Variants in DNER observed in about 807,000 individuals in gnomAD.
The protein encoded by DNER is delta/notch like EGF repeat containing, also known as delta and Notch-like epidermal growth factor-related receptor.
DNER carries 33 observed loss-of-function variants against 78.2 expected under a neutral mutation model. The observed-to-expected ratio is 0.42, with a 90% CI of 0.32 to 0.56. The LOEUF (loss-of-function observed/expected upper bound fraction) is 0.56, where lower values mean the gene tolerates loss of function less well. DNER is among the 20% of genes least tolerant of loss of function. The probability of loss-of-function intolerance (pLI) is 0.11; values close to 1 mark genes in which losing one functional copy is unlikely to be tolerated. For missense variants in DNER, 918 were observed against 975.3 expected (o/e 0.94, Z 0.78); for synonymous variants, 417 against 384.8 (o/e 1.08, Z -0.98).
chr2:229,673,368 T>C (rs993182102), intron 1 of DNER, among the ~76,000 whole-genome samples: 7 of 152,302 alleles, frequency 4.6e-5, no homozygotes, highest in Middle Eastern at 3.4e-3. Context: ...AGTTCTCCCT[T>C]TAATGAGTCC....
At chr2:229,609,036 A>T (rs1574925957) in intron 1 of DNER, among the ~76,000 whole-genome samples, 1 of 152,314 alleles carries the variant, frequency 6.6e-6, no homozygotes, top group East Asian at 1.9e-4. Context: ...CAGCCTGGCC[A>T]ACATGGTGAA....
At chr2:229,426,984 A>C (rs1693892310) in intron 8 of DNER, among the ~76,000 whole-genome samples, 1 of 152,220 alleles carries the variant, frequency 6.6e-6, no homozygotes, top group Non-Finnish European at 1.5e-5. Flanking sequence ...TTAGTCTCTA[A>C]TTTCTTATCC....
At chr2:229,401,023 A>T (rs1325222986) in intron 10 of DNER, among the ~76,000 whole-genome samples, 2 of 152,100 alleles carry the variant, frequency 1.3e-5, no homozygotes, top group African/African-American at 2.4e-5. Context: ...AAAAGACAGA[A>T]AGAAACATTT....
intron 1 of DNER, among the ~76,000 whole-genome samples, chr2:229,670,424 C>CA (rs76282009): frequency 1.3e-5 from 2 of 152,018 alleles, no homozygotes; most frequent in Non-Finnish European, 2.9e-5. Flanking sequence ...ATGAAGACCT[C>CA]GGAGGAAACT....
intron 1 of DNER, among the ~76,000 whole-genome samples, chr2:229,644,239 T>A (rs1698674052): frequency 6.6e-6 from 1 of 152,098 alleles, no homozygotes; most frequent in Non-Finnish European, 1.5e-5. Context: ...GATAATCATA[T>A]CGTGGAAAAT....
intron 4 of DNER, among the ~76,000 whole-genome samples, chr2:229,567,788 T>C (rs1697140946): frequency 6.6e-6 from 1 of 152,256 alleles, no homozygotes; most frequent in South Asian, 2.1e-4. Context: ...AATTAAATTC[T>C]GTAATTCAAT....
chr2:229,642,246 T>G (rs576372262), intron 1 of DNER, among the ~76,000 whole-genome samples: 2 of 152,196 alleles, frequency 1.3e-5, no homozygotes, highest in Non-Finnish European at 2.9e-5. Flanking sequence ...ATCACTAATA[T>G]TTCTCTAAAT....
In DNER at chr2:229,591,480, T is replaced by A; in HGVS notation, c.585+100A>T. The A allele has an allele frequency of 7.2e-7, 1 of 1,398,348 alleles. No individual in the cohort carries two copies. The highest frequency in any genetic ancestry group is 2.5e-5 in the East Asian group (1 of 40,332). 86.6% of individuals were successfully genotyped at this position (1,398,348 alleles called of 1,614,324 possible). A position where few individuals can be genotyped will look rare whatever the true frequency, so the allele number is the denominator to read the frequency against. ...AGATATTTTGCTTCGTGATTTAACT[T>A]AAAATGCTTTCATTTTTAATTGCTG... On this transcript the variant is annotated intron_variant, in intron 2 of 12. Transcript: ENST00000341772. This position sits in a 1 kb window ranked among gnomAD's most constrained non-coding sequence, Gnocchi z 4.6.
chr2:229,700,470 G>C (rs1185694412), intron 1 of DNER, among the ~76,000 whole-genome samples: 2 of 151,552 alleles, frequency 1.3e-5, no homozygotes, highest in African/African-American at 4.9e-5. Flanking sequence ...CAAGTAGCTG[G>C]GTTTATAGGT....
At chr2:229,386,858 A>C (rs1246875585) in intron 11 of DNER, among the ~76,000 whole-genome samples, 3 of 152,326 alleles carry the variant, frequency 2.0e-5, no homozygotes, top group African/African-American at 7.2e-5. Context: ...AGAAATAGGA[A>C]TGCTTTTATA....
chr2:229,377,873 C>T (rs1198015393), intron 11 of DNER, among the ~76,000 whole-genome samples: 1 of 152,056 alleles, frequency 6.6e-6, no homozygotes, highest in Non-Finnish European at 1.5e-5. Flanking sequence ...GTCCTAATGC[C>T]CAGAACCTAT....
At chr2:229,673,522 A>G (rs112261888) in intron 1 of DNER, among the ~76,000 whole-genome samples, 110 of 152,226 alleles carry the variant, frequency 7.2e-4, no homozygotes, top group Admixed American at 2.4e-3. Flanking sequence ...CCTTCTCCCC[A>G]ACCAGTATAG....
At chr2:229,470,711 G>A (rs1370506086) in intron 7 of DNER, among the ~76,000 whole-genome samples, 1 of 152,084 alleles carries the variant, frequency 6.6e-6, no homozygotes, top group Admixed American at 6.5e-5. Context: ...TTAGCCGGGT[G>A]TGGTGATGGT....
intron 7 of DNER, among the ~76,000 whole-genome samples, chr2:229,457,776 G>GAAAA (rs112392058): frequency 1.2e-4 from 17 of 141,080 alleles, no homozygotes; most frequent in East Asian, 8.2e-4. Context: ...ACTTTATTTG[G>GAAAA]AAAAAAAAAA....
intron 5 of DNER, among the ~76,000 whole-genome samples, chr2:229,536,074 T>C (rs1269157018): frequency 6.6e-6 from 1 of 152,212 alleles, no homozygotes; most frequent in Non-Finnish European, 1.5e-5. Flanking sequence ...AAGTCATATT[T>C]GGAGTGGGTG....
intron 6 of DNER, among the ~76,000 whole-genome samples, chr2:229,496,986 A>G (rs528041819): frequency 2.1e-4 from 32 of 152,162 alleles, no homozygotes; most frequent in Admixed American, 1.8e-3. Context: ...TCCACCCAAC[A>G]GCAGCAGCAT....
intron 7 of DNER, among the ~76,000 whole-genome samples, chr2:229,456,576 A>T (rs1694578672): frequency 6.6e-6 from 1 of 152,004 alleles, no homozygotes; most frequent in Non-Finnish European, 1.5e-5. Flanking sequence ...GCAACATAGA[A>T]CAATGTCTAC....
chr2:229,413,318 C>CTTTTTTTTTTTTTT (rs751043233), intron 9 of DNER, among the ~76,000 whole-genome samples: 1 of 89,506 alleles, frequency 1.1e-5, no homozygotes, highest in African/African-American at 4.5e-5. Flanking sequence ...TCTTTTTCTT[C>CTTTTTTTTTTTTTT]TTCTTTTTTT....
chr2:229,381,258 C>T (rs895578953), intron 11 of DNER, among the ~76,000 whole-genome samples: 1 of 152,150 alleles, frequency 6.6e-6, no homozygotes, highest in Non-Finnish European at 1.5e-5. Context: ...CTATACTTTT[C>T]CCATGGTCTT....
Sources: allele counts gnomAD v4.1 joint callset (sites outside exome capture counted in the v4.1 genomes callset), GRCh38; gene constraint gnomAD v4.1.1; non-coding constraint Gnocchi (gnomAD v3.1); transcripts MANE v1.5; gene names NCBI Gene and HGNC (gene_info 2026-07-23, HGNC 2026-07-21).